The following LRRC27 variants were observed in gnomAD, a reference collection of about 807,000 sequenced individuals.
The protein encoded by LRRC27 is leucine rich repeat containing 27.
LRRC27 carries 57 observed loss-of-function variants against 55.0 expected under a neutral mutation model. That is an observed-to-expected ratio of 1.04 (90% confidence interval 0.84 to 1.29). LRRC27 has a LOEUF of 1.29. LRRC27 is among the 50% of genes most tolerant of loss of function. The pLI is 0.00. For missense variants in LRRC27, 721 were observed against 651.5 expected, an observed-to-expected ratio of 1.11 and a Z score of -1.16; for synonymous variants, 278 against 251.9, an observed-to-expected ratio of 1.10 and a Z score of -0.98.
At chr10:132,344,407 T>A in intron 4 of LRRC27, 91 bp from the exon 5 acceptor site, 1 of 1,325,664 alleles carries the variant, frequency 7.5e-7, no homozygotes, top group Admixed American at 2.2e-5. Context: ...AATCATATTT[T>A]AAAATGTGAA....
At chr10:132,373,794 A>G (rs2133112231) in intron 10 of LRRC27, among the ~76,000 whole-genome samples, 1 of 152,318 alleles carries the variant, frequency 6.6e-6, no homozygotes, top group Non-Finnish European at 1.5e-5. Context: ...CAGGGAGACC[A>G]GGTCAGTCTG....
At position 132,361,533 on chromosome 10, in the gene LRRC27, A is replaced by G; in HGVS notation, c.1247A>G (p.Lys416Arg). ...KVPLNPPGKM[K>R]PSKEKSPQAS... ...CCACTGAATCCGCCTGGAAAAATGA[A>G]ACCAAGCAAAGAGAAATCGCCACAA... The change falls in exon 9 of 11, where the codon AAA becomes AGA. Residue 416 changes from lysine (K) to arginine (R), a missense_variant. Transcript: ENST00000368614. 1 of 1,613,938 alleles carries G rather than the reference A, an allele frequency of 6.2e-7. No homozygotes were observed. Among genetic ancestry groups the G allele is most frequent in the South Asian group, 1.1e-5 (1 of 91,086 alleles).
At chr10:132,368,622 C>G (rs2069149328) in intron 10 of LRRC27, among the ~76,000 whole-genome samples, 1 of 152,194 alleles carries the variant, frequency 6.6e-6, no homozygotes, top group Admixed American at 6.5e-5. Flanking sequence ...AGAATCTAGA[C>G]ATAGACCTCA....
intron 3 of LRRC27, among the ~76,000 whole-genome samples, chr10:132,341,806 G>T (rs952018225): frequency 5.9e-5 from 9 of 152,232 alleles, no homozygotes; most frequent in African/African-American, 1.9e-4. Flanking sequence ...TTACAGTGAG[G>T]TTATAACTGG....
At chr10:132,361,312 C>G in intron 8 of LRRC27, 145 bp from the exon 9 acceptor site, 1 of 725,654 alleles carries the variant, frequency 1.4e-6, no homozygotes, top group Non-Finnish European at 2.5e-6. Context: ...GGGATGACTG[C>G]GTTGCACAGG....
upstream of LRRC27, chr10:132,330,532 CAGGGT>C: frequency 1.4e-6 from 1 of 716,414 alleles, no homozygotes; most frequent in Non-Finnish European, 2.6e-6. Flanking sequence ...TTTTTTGAGA[CAGGGT>C]CTCGCTGTCA....
rs571846495 is a variant in LRRC27, at chr10:132,361,509, C to A, written c.1223C>A (p.Pro408Gln). The A allele has an allele frequency of 2.5e-6, 4 of 1,613,874 alleles. No individual in the cohort carries two copies. In the South Asian group the frequency reaches 4.4e-5, roughly 18 times the overall value. The change falls in exon 9 of 11, where the codon CCA becomes CAA. Residue 408 changes from proline (P) to glutamine (Q), a missense_variant. By Grantham distance (76) the Pro-to-Gln change is moderately conservative. Transcript: ENST00000368614. ...ATDLIDNRKV[P>Q]LNPPGKMKPS... The stretch of plus-strand genomic sequence containing the variant: ...GATCTGATAGATAACAGGAAAGTAC[C>A]ACTGAATCCGCCTGGAAAAATGAAA...
At chr10:132,367,042 ACCCTG>A in intron 10 of LRRC27, 1 of 1,090,382 alleles carries the variant, frequency 9.2e-7, no homozygotes, top group South Asian at 2.0e-5. Flanking sequence ...GGACACCCAA[ACCCTG>A]CCTCTTAGGG....
intron 8 of LRRC27, among the ~76,000 whole-genome samples, chr10:132,357,625 G>A (rs558482921): frequency 3.9e-5 from 6 of 152,330 alleles, no homozygotes; most frequent in South Asian, 2.1e-4. Context: ...GTGACTTTGC[G>A]GGGAGGGCTG....
chr10:132,375,418 G>A lies in LRRC27; in HGVS notation c.*176G>A. On this transcript the variant is annotated 3_prime_UTR_variant, in exon 11 of 11. Transcript: ENST00000368614. ...AGGTCCACGTCCCTCTCCTGAGGCT[G>A]TGGAAGATTTCAGCCGTATTAAAAG... 1.8e-6 allele frequency: 1 copy of A among 564,122 alleles called. No individual in the cohort carries two copies. The highest frequency in any genetic ancestry group is 2.4e-5 in the South Asian group (1 of 41,216). 34.9% of individuals were successfully genotyped at this position (564,122 alleles called of 1,614,324 possible).
Position 132,344,876 on chromosome 10 carries a change from G to A in LRRC27, c.553+226G>A, listed in dbSNP as rs12259703. 973 of 428,652 alleles carry A rather than the reference G, an allele frequency of 2.3e-3. 2 individuals carry two copies. Among genetic ancestry groups the A allele is most frequent in the African/African-American group, 0.017 (893 of 51,692 alleles). The allele number at this position is 428,652 out of a possible 1,614,324, so 26.6% of individuals were successfully genotyped here. On this transcript the variant is annotated intron_variant, in intron 5 of 10. Transcript: ENST00000368614. ...GCACATTATAGATCCTGGCTCAAGT[G>A]GATTTTGGTAGAAGTTTATTGTGAT...
intron 7 of LRRC27, among the ~76,000 whole-genome samples, chr10:132,355,102 G>A (rs904554499): frequency 2.0e-5 from 3 of 152,202 alleles, no homozygotes; most frequent in African/African-American, 7.2e-5. Flanking sequence ...TTTTGAGACA[G>A]TCTTGCTCCG....
Position 132,348,247 on chromosome 10 carries a change from G to A in LRRC27, c.817G>A (p.Val273Met), listed in dbSNP as rs140670374. The change falls in exon 6 of 11, where the codon GTG becomes ATG. Residue 273 changes from valine (V) to methionine (M), a missense_variant. Val to Met is a conservative substitution (Grantham distance 21). Transcript: ENST00000368614. The surrounding 1 kb of genome is among the most constrained non-coding windows in gnomAD (Gnocchi z 4.2). ...WKLRQEIVEH[V>M]KADVLGDQLL... ...GCTGAGGCAGGAGATTGTTGAGCAC[G>A]TGAAGGCAGACGTTCTGGGAGATCA... is the stretch of plus-strand genomic sequence containing the variant. 32 of 1,613,964 alleles carry A rather than the reference G, an allele frequency of 2.0e-5. No individual in the cohort carries two copies. The highest frequency in any genetic ancestry group is 3.3e-5 in the Admixed American group (2 of 60,014).
intron 9 of LRRC27, among the ~76,000 whole-genome samples, chr10:132,364,513 A>ACACC (rs1237754352): frequency 3.5e-3 from 4 of 1,130 alleles, no homozygotes; most frequent in Admixed American, 0.02. Context: ...ATCTACCTCC[A>ACACC]CACTCGCACT....
intron 8 of LRRC27, among the ~76,000 whole-genome samples, chr10:132,359,230 T>C (rs2068496797): frequency 6.6e-6 from 1 of 152,084 alleles, no homozygotes; most frequent in Non-Finnish European, 1.5e-5. Flanking sequence ...TCGGAAGGCA[T>C]CCTTCCAAGT....
intron 9 of LRRC27, among the ~76,000 whole-genome samples, chr10:132,363,877 G>A (rs562479215): frequency 1.3e-3 from 199 of 152,248 alleles, no homozygotes; most frequent in South Asian, 6.0e-3. Context: ...TGTTCCTCCT[G>A]GAGGCTGACA....
At chr10:132,336,442 G>A (rs4554798) in intron 2 of LRRC27, among the ~76,000 whole-genome samples, 62,983 of 152,102 alleles carry the variant, frequency 0.41, 13,405 homozygotes, top group African/African-American at 0.49. Context: ...AGTGTTTCCA[G>A]TGCCTTTCTG....
intron 2 of LRRC27, 57 bp downstream of exon 2, chr10:132,333,791 G>T: frequency 7.6e-7 from 1 of 1,319,704 alleles, no homozygotes; most frequent in South Asian, 1.3e-5. Flanking sequence ...GACAGAAATG[G>T]GAATGTACCC....
In LRRC27 at chr10:132,364,435, ATCTAC is replaced by A. The variant is rs1564853381; in HGVS notation, c.1290-988_1290-984del. The stretch of plus-strand genomic sequence containing the variant: ...CACCCGCGCTTACACCCACGCTTAC[ATCTAC>A]CTCCACACCCACACTCACACCCACC... On this transcript the variant is annotated intron_variant, in intron 9 of 10. Transcript: ENST00000368614. 3.6e-5 allele frequency among the ~76,000 whole-genome samples: 5 copies of A among 137,794 alleles called. 1 individual carries two copies. Among genetic ancestry groups the A allele is most frequent in the African/African-American group, 5.4e-5 (2 of 37,080 alleles). 90.4% of individuals were successfully genotyped at this position (137,794 alleles called of 152,430 possible). A position where few individuals can be genotyped will look rare whatever the true frequency, so the allele number is the denominator to read the frequency against.
Sources: allele counts gnomAD v4.1 joint callset (sites outside exome capture counted in the v4.1 genomes callset), GRCh38; gene constraint gnomAD v4.1.1; non-coding constraint Gnocchi (gnomAD v3.1); transcripts MANE v1.5; gene names NCBI Gene and HGNC (gene_info 2026-07-23, HGNC 2026-07-21).